The following GPR137C variants were observed in gnomAD, a reference collection of about 807,000 sequenced individuals.
The protein encoded by GPR137C is integral membrane protein GPR137C.
A neutral mutation model predicts 43.4 loss-of-function variants in GPR137C; 27 were observed. The observed-to-expected ratio is 0.62, with a 90% confidence interval of 0.46 to 0.86. The LOEUF is 0.86. Among genes scored for constraint, GPR137C ranks in the 40% least tolerant of loss-of-function variants. The probability of loss-of-function intolerance (pLI) is 0.00; values close to 1 mark genes in which losing one functional copy is unlikely to be tolerated. For synonymous variants in GPR137C, 285 were observed against 226.9 expected (o/e 1.26, Z -2.30); for missense variants, 522 against 534.6 (o/e 0.98, Z 0.23).
rs138057818 is a variant in GPR137C, at chr14:52,629,875, T to TAA, written c.718-2284_718-2283insAA. Among the ~76,000 whole-genome samples the TAA allele has an allele frequency of 2.9e-3, 448 of 152,314 alleles. 2 individuals carry two copies. Among genetic ancestry groups the TAA allele is most frequent in the African/African-American group, 0.01 (423 of 41,576 alleles). On this transcript the variant is annotated intron_variant, in intron 3 of 6. Transcript: ENST00000321662. ...CCAATGTTATGGATACTGAGGTGTT[T>TAA]AGGAGTGAGGTGTAACTCTTTTTCA...
intron 1 of GPR137C, among the ~76,000 whole-genome samples, chr14:52,572,809 A>G (rs1285202393): frequency 1.3e-5 from 2 of 152,202 alleles, no homozygotes; most frequent in African/African-American, 4.8e-5. Flanking sequence ...GCCAAATTGT[A>G]TATGTTTGCA....
chr14:52,559,142 C>G (rs2038239853), intron 1 of GPR137C, among the ~76,000 whole-genome samples: 1 of 152,114 alleles, frequency 6.6e-6, no homozygotes, highest in South Asian at 2.1e-4. Flanking sequence ...CTTTGGGAGG[C>G]CAAGGCAGGC....
At chr14:52,585,383 T>A (rs1367758933) in intron 1 of GPR137C, among the ~76,000 whole-genome samples, 1 of 152,222 alleles carries the variant, frequency 6.6e-6, no homozygotes, top group Non-Finnish European at 1.5e-5. Context: ...TCACTTGCTC[T>A]CTCTCTCGCT....
At chr14:52,617,747 T>C (rs1311167933) in intron 3 of GPR137C, among the ~76,000 whole-genome samples, 1 of 152,082 alleles carries the variant, frequency 6.6e-6, no homozygotes, top group Non-Finnish European at 1.5e-5. Context: ...AAATCCCAGC[T>C]CTACTGTTTA....
chr14:52,600,263 T>C lies in GPR137C; in HGVS notation c.639T>C (p.Ile213=), dbSNP rs955868611. The change falls in exon 3 of 7, where the codon ATT becomes ATC. Residue 213 remains isoleucine, a synonymous_variant. Transcript: ENST00000321662. ...VRALINDSLF[I]LCAISLVCYI... ...CATTAATTAATGATAGCCTGTTTAT[T>C]CTTTGTGCCATCTCTTTAGTGTGTT... 1 of 1,613,702 alleles carries C rather than the reference T, an allele frequency of 6.2e-7. No individual in the cohort carries two copies. Among genetic ancestry groups the C allele is most frequent in the Non-Finnish European group, 8.5e-7 (1 of 1,179,644 alleles).
At chr14:52,558,855 A>G (rs1233401076) in intron 1 of GPR137C, among the ~76,000 whole-genome samples, 1 of 152,218 alleles carries the variant, frequency 6.6e-6, no homozygotes, top group Non-Finnish European at 1.5e-5. Flanking sequence ...AGGAAAAAAA[A>G]TCACTCGGGA....
At chr14:52,595,194 G>A (rs983792033) in intron 1 of GPR137C, among the ~76,000 whole-genome samples, 2 of 152,204 alleles carry the variant, frequency 1.3e-5, no homozygotes, top group Admixed American at 6.5e-5. Context: ...TCCCCTGTTA[G>A]TCTGATGGGC....
At chr14:52,570,050 C>T (rs28846748) in intron 1 of GPR137C, among the ~76,000 whole-genome samples, 5,889 of 152,208 alleles carry the variant, frequency 0.039, 370 homozygotes, top group African/African-American at 0.13. Context: ...TCATCAGTTT[C>T]ACCAAGGTTG....
intron 1 of GPR137C, among the ~76,000 whole-genome samples, chr14:52,560,873 CTT>C (rs2038272447): frequency 1.3e-5 from 2 of 152,178 alleles, no homozygotes; most frequent in South Asian, 2.1e-4. Flanking sequence ...ACAAATGAGA[CTT>C]TATCAAAATT....
At chr14:52,600,393 C>A in intron 3 of GPR137C, 52 bp downstream of exon 3, 1 of 881,134 alleles carries the variant, frequency 1.1e-6, no homozygotes, top group Non-Finnish European at 1.8e-6. Context: ...AAATTCTTAC[C>A]CTACTAATCA....
At chr14:52,633,506 T>A (rs765580406) in intron 4 of GPR137C, 24 bp from the exon 5 acceptor site, 1 of 1,605,224 alleles carries the variant, frequency 6.2e-7, no homozygotes, top group Admixed American at 1.7e-5. Flanking sequence ...GATGTAAAAA[T>A]TCTCTGCCAT....
intron 3 of GPR137C, among the ~76,000 whole-genome samples, chr14:52,631,178 TA>T (rs1017723083): frequency 2.0e-5 from 3 of 152,200 alleles, no homozygotes; most frequent in Non-Finnish European, 4.4e-5. Context: ...CTGACTCAGA[TA>T]ATTATAAACA....
At chr14:52,615,787 GCCAC>G (rs1221231695) in intron 3 of GPR137C, among the ~76,000 whole-genome samples, 1 of 152,136 alleles carries the variant, frequency 6.6e-6, no homozygotes, top group East Asian at 1.9e-4. Context: ...ATGTAGAAAT[GCCAC>G]TGATTTGTGA....
At chr14:52,558,202 C>T (rs2038224519) in intron 1 of GPR137C, among the ~76,000 whole-genome samples, 1 of 151,732 alleles carries the variant, frequency 6.6e-6, no homozygotes, top group African/African-American at 2.4e-5. Flanking sequence ...TAGCCTACTG[C>T]CCAGATTTTA....
At chr14:52,628,803 AAAG>A (rs2039260799) in intron 3 of GPR137C, among the ~76,000 whole-genome samples, 1 of 152,202 alleles carries the variant, frequency 6.6e-6, no homozygotes, top group Non-Finnish European at 1.5e-5. Flanking sequence ...CAAAAATAAA[AAAG>A]AAGTTAAAAT....
intron 1 of GPR137C, among the ~76,000 whole-genome samples, chr14:52,557,333 A>G (rs2038210216): frequency 6.6e-6 from 1 of 152,160 alleles, no homozygotes; most frequent in Non-Finnish European, 1.5e-5. Context: ...TCTGGAATCT[A>G]TTTTCTGCCT....
At chr14:52,596,971 T>A (rs367879036) in intron 1 of GPR137C, 1 of 454,780 alleles carries the variant, frequency 2.2e-6, no homozygotes. Context: ...ACCCATCTTA[T>A]ATCTCCAAAT....
rs192126130 is a variant in GPR137C, at chr14:52,603,423, C to G, written c.717+3082C>G. Among the ~76,000 whole-genome samples, 210 of 152,268 alleles carry G rather than the reference C, an allele frequency of 1.4e-3. 3 individuals are homozygous for G. Among genetic ancestry groups the G allele is most frequent in the Admixed American group, 7.0e-3 (107 of 15,286 alleles). ...AATAAATATGGGAGTGCACCTGTCTCTTTGACATAGTAATTTCCTTTCTCT... is the reference window on the plus strand; with the variant it reads ...AATAAATATGGGAGTGCACCTGTCTGTTTGACATAGTAATTTCCTTTCTCT... On this transcript the variant is annotated intron_variant, in intron 3 of 6. Coordinates refer to ENST00000321662, the MANE Select transcript of GPR137C (RefSeq NM_001099652.2).
chr14:52,558,877 G>C (rs2139432638), intron 1 of GPR137C, among the ~76,000 whole-genome samples: 1 of 152,248 alleles, frequency 6.6e-6, no homozygotes, highest in Non-Finnish European at 1.5e-5. Context: ...ATAGCCCAGA[G>C]AAATAAAAGA....
Sources: allele counts gnomAD v4.1 joint callset (sites outside exome capture counted in the v4.1 genomes callset), GRCh38; gene constraint gnomAD v4.1.1; transcripts MANE v1.5; gene names NCBI Gene and HGNC (gene_info 2026-07-23, HGNC 2026-07-21).